The following NOVA1 variants were observed in gnomAD, a reference collection of about 807,000 sequenced individuals.
NOVA1 encodes the protein RNA-binding protein Nova-1.
A neutral mutation model predicts 38.0 loss-of-function variants in NOVA1; 7 were observed. The ratio of observed to expected loss-of-function variants is 0.18; its 90% CI spans 0.10 to 0.35. NOVA1 has a LOEUF of 0.35. Ranked by LOEUF, NOVA1 falls within the 10% of genes least tolerant of loss-of-function variation. The probability of loss-of-function intolerance (pLI) is 1.00; values close to 1 mark genes in which losing one functional copy is unlikely to be tolerated. For synonymous variants in NOVA1, 270 were observed against 232.5 expected (o/e 1.16, Z -1.47); for missense variants, 460 against 616.0 (o/e 0.75, Z 2.68).
chr14:26,554,137 A>C (rs909177485), intron 2 of NOVA1, among the ~76,000 whole-genome samples: 1 of 148,936 alleles, frequency 6.7e-6, no homozygotes, highest in Non-Finnish European at 1.5e-5. Flanking sequence ...TGAAAAAAAA[A>C]AAAAGAAAGA....
intron 2 of NOVA1, 35 bp from the exon 3 acceptor site, chr14:26,480,178 C>A: frequency 6.4e-7 from 1 of 1,554,120 alleles, no homozygotes; most frequent in South Asian, 1.2e-5. Flanking sequence ...GAAAATATTC[C>A]ACACTTTGCA....
rs1308880327 is a variant in NOVA1, at chr14:26,447,096, T to C, written c.*863A>G. Reference sequence around the variant, plus strand: ...ACATTATCAGCTATCAATAATTTGTTGGCACTTTCACTTTTGTTTATAAAA... The same window carrying C: ...ACATTATCAGCTATCAATAATTTGTCGGCACTTTCACTTTTGTTTATAAAA... On this transcript the variant is annotated 3_prime_UTR_variant, in exon 5 of 5. Coordinates refer to ENST00000539517, the MANE Select transcript of NOVA1 (RefSeq NM_002515.3). 6.5e-6 allele frequency: 1 copy of C among 152,688 alleles called. No individual in the cohort carries two copies. Among genetic ancestry groups the C allele is most frequent in the East Asian group, 1.9e-4 (1 of 5,198 alleles). 9.5% of individuals were successfully genotyped at this position (152,688 alleles called of 1,614,324 possible).
chr14:26,562,013 A>G (rs964286552), intron 2 of NOVA1, among the ~76,000 whole-genome samples: 1 of 152,164 alleles, frequency 6.6e-6, no homozygotes, highest in Non-Finnish European at 1.5e-5. Context: ...TCACTCTATA[A>G]GTTATAATTT....
At chr14:26,468,486 A>T (rs1196842074) in intron 4 of NOVA1, among the ~76,000 whole-genome samples, 18 of 152,298 alleles carry the variant, frequency 1.2e-4, no homozygotes, top group Non-Finnish European at 2.9e-5. Flanking sequence ...TGGGCTCTTG[A>T]CCTACAGAAA....
intron 2 of NOVA1, among the ~76,000 whole-genome samples, chr14:26,496,329 C>A (rs915957127): frequency 3.9e-5 from 6 of 152,136 alleles, no homozygotes; most frequent in Non-Finnish European, 7.3e-5. Context: ...CCTTCGCCCA[C>A]TTTTTGATGG....
At chr14:26,565,353 A>G (rs1490977493) in intron 2 of NOVA1, among the ~76,000 whole-genome samples, 1 of 152,150 alleles carries the variant, frequency 6.6e-6, no homozygotes, top group Non-Finnish European at 1.5e-5. Context: ...CTAGAAGTCT[A>G]TCGCCCATCC....
intron 2 of NOVA1, among the ~76,000 whole-genome samples, chr14:26,561,104 G>A (rs149070734): frequency 3.4e-4 from 52 of 152,182 alleles, no homozygotes; most frequent in African/African-American, 1.2e-3. Flanking sequence ...TAGGGTTTCC[G>A]TCCTATGAGA....
At chr14:26,474,740 T>C (rs1286020045) in intron 3 of NOVA1, among the ~76,000 whole-genome samples, 2 of 151,994 alleles carry the variant, frequency 1.3e-5, no homozygotes, top group Non-Finnish European at 2.9e-5. Context: ...GTAAAAATTA[T>C]GTAAGTTTGG....
At chr14:26,484,912 T>A (rs1404566574) in intron 2 of NOVA1, among the ~76,000 whole-genome samples, 1 of 151,790 alleles carries the variant, frequency 6.6e-6, no homozygotes, top group East Asian at 1.9e-4. Flanking sequence ...ATAAGTATCA[T>A]ATTAGAAGCT....
chr14:26,554,351 G>GAA (rs150712037), intron 2 of NOVA1, among the ~76,000 whole-genome samples: 45 of 148,732 alleles, frequency 3.0e-4, no homozygotes, highest in African/African-American at 9.9e-4. Context: ...AGGTATATGA[G>GAA]AAAAAAAAAC....
At chr14:26,457,694 T>C (rs1883296991) in intron 4 of NOVA1, among the ~76,000 whole-genome samples, 1 of 152,114 alleles carries the variant, frequency 6.6e-6, no homozygotes, top group African/African-American at 2.4e-5. Flanking sequence ...TTCTAGACTG[T>C]ACTCCATTTA....
chr14:26,496,468 C>A (rs1427337486), intron 2 of NOVA1, among the ~76,000 whole-genome samples: 2 of 151,976 alleles, frequency 1.3e-5, no homozygotes, highest in Non-Finnish European at 1.5e-5. Context: ...ATGGTAGTTT[C>A]TTTTGCTGTG....
chr14:26,534,905 CAAGGA>C (rs936803939), intron 2 of NOVA1, among the ~76,000 whole-genome samples: 3 of 152,104 alleles, frequency 2.0e-5, no homozygotes, highest in African/African-American at 7.2e-5. Flanking sequence ...GTAGAAATGA[CAAGGA>C]AAGGGATTCT....
intron 2 of NOVA1, among the ~76,000 whole-genome samples, chr14:26,507,284 AAT>A (rs1491014009): frequency 6.6e-6 from 1 of 151,722 alleles, no homozygotes; most frequent in Non-Finnish European, 1.5e-5. Context: ...AAAAAAAAAA[AAT>A]AATGTCAAAA....
At chr14:26,572,977 T>C (rs1278348148) in intron 2 of NOVA1, among the ~76,000 whole-genome samples, 1 of 152,116 alleles carries the variant, frequency 6.6e-6, no homozygotes, top group Non-Finnish European at 1.5e-5. Context: ...AAAACAGTTT[T>C]GAGCTGAACA....
chr14:26,493,499 G>C (rs898346757), intron 2 of NOVA1, among the ~76,000 whole-genome samples: 1 of 152,132 alleles, frequency 6.6e-6, no homozygotes, highest in Non-Finnish European at 1.5e-5. Context: ...TCCCAGAGTA[G>C]ATATTACCTG....
chr14:26,448,066 T>C lies in NOVA1; in HGVS notation c.1417A>G (p.Thr473Ala). The C allele has an allele frequency of 6.2e-7, 1 of 1,614,174 alleles. No individual in the cohort carries two copies. The highest frequency in any genetic ancestry group is 8.5e-7 in the Non-Finnish European group (1 of 1,180,010). Reference protein sequence around the residue: ...FVPGTRNRKVTITGTPAATQA... With the variant: ...FVPGTRNRKVAITGTPAATQA... ...GTTGCAGCTGGTGTTCCAGTAATGG[T>C]TACCTTCCGATTCCTTGTGCCAGGT... Residue 473 changes from threonine to alanine, a missense_variant, in exon 5 of 5, where the codon ACC becomes GCC. By Grantham distance (58) the Thr-to-Ala change is moderately conservative. Coordinates refer to ENST00000539517, the MANE Select transcript of NOVA1 (RefSeq NM_002515.3). This position sits in a 1 kb window ranked among gnomAD's most constrained non-coding sequence, Gnocchi z 5.3.
At chr14:26,512,574 CAA>C (rs765047501) in intron 2 of NOVA1, among the ~76,000 whole-genome samples, 1 of 151,966 alleles carries the variant, frequency 6.6e-6, no homozygotes, top group Non-Finnish European at 1.5e-5. Context: ...ATGTTAATTA[CAA>C]AAAAGACACT....
intron 2 of NOVA1, among the ~76,000 whole-genome samples, chr14:26,595,164 T>C (rs1225997748): frequency 1.3e-5 from 2 of 152,152 alleles, no homozygotes; most frequent in African/African-American, 4.8e-5. Context: ...ATAAGAATTA[T>C]TCAGAAATAC....
Sources: gnomAD v4.1 joint callset for allele counts (sites outside exome capture counted in the v4.1 genomes callset) on GRCh38, gnomAD v4.1.1 for gene constraint, Gnocchi (gnomAD v3.1) non-coding constraint, MANE v1.5 for transcripts, NCBI Gene and HGNC (gene_info 2026-07-23, HGNC 2026-07-21) for gene names.